Variants in TOP3A observed in about 807,000 individuals in gnomAD.
TOP3A encodes DNA topoisomerase III alpha.
In TOP3A, 64 loss-of-function variants were observed where a neutral mutation model predicts 111.3. That is an observed-to-expected ratio of 0.57 (90% CI 0.47 to 0.71). The LOEUF (loss-of-function observed/expected upper bound fraction) is 0.71, where lower values mean the gene tolerates loss of function less well. TOP3A is among the 30% of genes least tolerant of loss of function. The probability of loss-of-function intolerance (pLI) is 0.00; values close to 1 mark genes in which losing one functional copy is unlikely to be tolerated. For synonymous variants in TOP3A, 484 were observed against 485.1 expected, an observed-to-expected ratio of 1.00 and a Z score of 0.03; for missense variants, 1,104 against 1,285.0, an observed-to-expected ratio of 0.86 and a Z score of 2.15.
In TOP3A at chr17:18,310,434, C is replaced by CA. The variant is rs1042947126; in HGVS notation, c.181-1494dup. 6.6e-5 allele frequency among the ~76,000 whole-genome samples: 10 copies of CA among 150,536 alleles called. 1 individual carries two copies. The East Asian group carries it at 9.8e-4, about 15-fold the overall frequency. ...GTGAGAGAGACTCCTTCTCAAAAAC[C>CA]AAAAAAAAGGAATGAAGAACTGATA... is the stretch of plus-strand genomic sequence containing the variant. On this transcript the variant is annotated intron_variant, in intron 1 of 18. Transcript: ENST00000321105.
At chr17:18,292,527 G>A in intron 11 of TOP3A, 118 bp downstream of exon 11, 1 of 956,290 alleles carries the variant, frequency 1.0e-6, no homozygotes, top group Non-Finnish European at 1.5e-6. Flanking sequence ...TGAAATGAGA[G>A]AGATCTCAAA....
chr17:18,306,966 C>T lies in TOP3A; in HGVS notation c.315G>A (p.Trp105Ter). The change falls in exon 4 of 19, where the codon TGG (tryptophan) becomes TGA (stop). Residue 105 changes from tryptophan to a stop codon, truncating the protein, a stop_gained and splice_region_variant. Coordinates refer to ENST00000321105, the MANE Select transcript of TOP3A (RefSeq NM_004618.5). LOFTEE classifies it high-confidence loss of function. Reference sequence around the variant, plus strand: ...AGAGGACAAGAGGGTTGCAGCTCTGCCTAGAAAAGAAATGAAAACAGAGTC... The same window carrying T: ...AGAGGACAAGAGGGTTGCAGCTCTGTCTAGAAAAGAAATGAAAACAGAGTC... Reference protein sequence around the residue: ...AHDFQMQFRKWQSCNPLVLFE... With the variant: ...AHDFQMQFRK 1 of 1,612,252 alleles carries T rather than the reference C, an allele frequency of 6.2e-7. No homozygotes were observed. The highest frequency in any genetic ancestry group is 8.5e-7 in the Non-Finnish European group (1 of 1,178,882).
intron 9 of TOP3A, among the ~76,000 whole-genome samples, chr17:18,297,438 G>GTCCCTGTCCCTGTCCCTCTCCCCACGGTC (rs1555571028): frequency 2.1e-4 from 30 of 146,024 alleles, no homozygotes; most frequent in Middle Eastern, 3.6e-3. Context: ...CCCTGTCCCT[G>GTCCCTGTCCCTGTCCCTCTCCCCACGGTC]TCCCTCTCCC....
rs760739831 is a variant in TOP3A, at chr17:18,302,316, C to T, written c.762G>A (p.Glu254=). 6.2e-7 allele frequency: 1 copy of T among 1,613,240 alleles called. No homozygotes were observed. Among genetic ancestry groups the T allele is most frequent in the East Asian group, 2.2e-5 (1 of 44,876 alleles). The change falls in exon 7 of 19, where the codon GAG becomes GAA. Residue 254 remains glutamate (E), a synonymous_variant. Coordinates refer to ENST00000321105, the MANE Select transcript of TOP3A (RefSeq NM_004618.5). ...CAAAAGCCTGAATGGCTTTGAACCGCTCCACCACAAAGCCCAGTGTGGGGA... is the reference window on the plus strand; with the variant it reads ...CAAAAGCCTGAATGGCTTTGAACCGTTCCACCACAAAGCCCAGTGTGGGGA... ...CQFPTLGFVV[E]RFKAIQAFVP...
intron 5 of TOP3A, 54 bp downstream of exon 5, chr17:18,305,058 C>T (rs973135463): frequency 2.0e-6 from 3 of 1,467,598 alleles, no homozygotes; most frequent in Non-Finnish European, 1.9e-6. Context: ...AACAAGAACA[C>T]TCTATTTATG....
At chr17:18,291,049 G>A (rs935820537) in intron 11 of TOP3A, 22 bp from the exon 12 acceptor site, 1 of 1,609,780 alleles carries the variant, frequency 6.2e-7, no homozygotes. Context: ...AGAGGAGTAC[G>A]AAACTCCCCC....
chr17:18,284,462 CCT>C (rs1979967450), intron 15 of TOP3A, among the ~76,000 whole-genome samples: 1 of 152,142 alleles, frequency 6.6e-6, no homozygotes, highest in African/African-American at 2.4e-5. Context: ...GGGTTGGTTC[CCT>C]GACAACCAGA....
In TOP3A at chr17:18,274,605, T is replaced by G. The variant is rs1302439877; in HGVS notation, c.*197A>C. On this transcript the variant is annotated 3_prime_UTR_variant, in exon 19 of 19. Coordinates refer to ENST00000321105, the MANE Select transcript of TOP3A (RefSeq NM_004618.5). ...TCACTCCTGAGGCCTGGGAAGAGGG[T>G]CACTGTCCAGCAGAGCTGGCCTGCT... 1 of 864,122 alleles carries G rather than the reference T, an allele frequency of 1.2e-6. No homozygotes were observed. Among genetic ancestry groups the G allele is most frequent in the Non-Finnish European group, 1.7e-6 (1 of 605,060 alleles). The allele number at this position is 864,122 out of a possible 1,614,324, so 53.5% of individuals were successfully genotyped here. A position where few individuals can be genotyped will look rare whatever the true frequency, so the allele number is the denominator to read the frequency against.
intron 8 of TOP3A, among the ~76,000 whole-genome samples, chr17:18,300,053 T>G (rs60296072): frequency 7.9e-4 from 121 of 152,276 alleles, no homozygotes; most frequent in Middle Eastern, 3.4e-3. Flanking sequence ...TAAGCCACCA[T>G]GCTTGGCCCA....
chr17:18,284,402 G>A (rs982725290), intron 15 of TOP3A, among the ~76,000 whole-genome samples: 1 of 152,080 alleles, frequency 6.6e-6, no homozygotes, highest in Non-Finnish European at 1.5e-5. Flanking sequence ...CAGCCCCTCT[G>A]CTCTTCCTGA....
At chr17:18,280,786 G>A (rs1979712043) in intron 16 of TOP3A, 128 bp from the exon 17 acceptor site, 1 of 1,031,344 alleles carries the variant, frequency 9.7e-7, no homozygotes, top group Non-Finnish European at 1.4e-6. Flanking sequence ...ACACTTAACT[G>A]GATACACAAG....
chr17:18,274,036 A>C lies in TOP3A; in HGVS notation c.*766T>G, dbSNP rs1217310119. On this transcript the variant is annotated 3_prime_UTR_variant, in exon 19 of 19. Coordinates refer to ENST00000321105, the MANE Select transcript of TOP3A (RefSeq NM_004618.5). The stretch of plus-strand genomic sequence containing the variant: ...ACTGCAACCTCCGCCTCCCGGGTTC[A>C]AGCAATTCTCCTGCCTCAGCCTCCT... 6.6e-6 allele frequency: 1 copy of C among 152,160 alleles called. No homozygotes were observed. The highest frequency in any genetic ancestry group is 1.9e-4 in the East Asian group (1 of 5,190). 9.4% of individuals were successfully genotyped at this position (152,160 alleles called of 1,614,324 possible). A position where few individuals can be genotyped will look rare whatever the true frequency, so the allele number is the denominator to read the frequency against.
intron 18 of TOP3A, among the ~76,000 whole-genome samples, chr17:18,275,530 A>C (rs997545193): frequency 2.0e-5 from 3 of 147,080 alleles, no homozygotes; most frequent in Non-Finnish European, 4.5e-5. Context: ...CGGCTACTTT[A>C]TTTTTTGTAT....
intron 3 of TOP3A, among the ~76,000 whole-genome samples, chr17:18,307,909 C>CAA (rs146925164): frequency 8.8e-5 from 6 of 68,390 alleles, no homozygotes; most frequent in Admixed American, 3.5e-4. Context: ...GACCCTGACT[C>CAA]AAAAAAAAAA....
At chr17:18,286,971 AAAGTGTTTC>A (rs1365183968) in intron 13 of TOP3A, among the ~76,000 whole-genome samples, 2 of 152,112 alleles carry the variant, frequency 1.3e-5, no homozygotes, top group Non-Finnish European at 2.9e-5. Context: ...TTTAGTAGAG[AAAGTGTTTC>A]ACCATGTTGG....
Position 18,302,727 on chromosome 17 carries a change from C to A in TOP3A, c.500-4G>T. Reference sequence around the variant, plus strand: ...AACACCTGCAGATTGGGCTTTACTGCAGAACACAAGGTGTTACCAAGGTCA... The same window carrying A: ...AACACCTGCAGATTGGGCTTTACTGAAGAACACAAGGTGTTACCAAGGTCA... On this transcript the variant is annotated splice_region_variant and splice_polypyrimidine_tract_variant and intron_variant, in intron 5 of 18. Coordinates refer to ENST00000321105, the MANE Select transcript of TOP3A (RefSeq NM_004618.5). The A allele has an allele frequency of 6.2e-7, 1 of 1,612,196 alleles. No individual in the cohort carries two copies. Among genetic ancestry groups the A allele is most frequent in the East Asian group, 2.2e-5 (1 of 44,810 alleles).
At chr17:18,290,521 C>G in intron 13 of TOP3A, 36 bp downstream of exon 13, 1 of 1,527,510 alleles carries the variant, frequency 6.5e-7, no homozygotes, top group Non-Finnish European at 8.8e-7. Context: ...TAAGCCTTAG[C>G]TCAAGAGATG....
chr17:18,275,004 G>T, intron 18 of TOP3A, 24 bp from the exon 19 acceptor site: 1 of 1,610,092 alleles, frequency 6.2e-7, no homozygotes, highest in Non-Finnish European at 8.5e-7. Flanking sequence ...CAGGGGAGGG[G>T]TGAGGTTAGA....
At chr17:18,304,936 G>C (rs1313946175) in intron 5 of TOP3A, among the ~76,000 whole-genome samples, 176 bp downstream of exon 5, 1 of 152,120 alleles carries the variant, frequency 6.6e-6, no homozygotes, top group African/African-American at 2.4e-5. Context: ...CAAGGAAGTT[G>C]AGGCTCCCAA....
Sources: gnomAD v4.1 joint callset for allele counts (sites outside exome capture counted in the v4.1 genomes callset) on GRCh38, gnomAD v4.1.1 for gene constraint, MANE v1.5 for transcripts, NCBI Gene and HGNC (gene_info 2026-07-23, HGNC 2026-07-21) for gene names.